The following EFCAB13 variants were observed in gnomAD, a reference collection of about 807,000 sequenced individuals.
EFCAB13 encodes the protein EF-hand calcium-binding domain-containing protein 13.
Under a neutral mutation model 110.2 loss-of-function variants are expected in EFCAB13, and 91 were observed. The observed-to-expected ratio is 0.83, with a 90% CI of 0.70 to 0.98. The LOEUF (loss-of-function observed/expected upper bound fraction) is 0.98, where lower values mean the gene tolerates loss of function less well. EFCAB13 is among the 50% of genes least tolerant of loss of function. The pLI is 0.00. For missense variants in EFCAB13, 968 were observed against 1,119.4 expected (o/e 0.86, Z 1.93); for synonymous variants, 323 against 369.9 (o/e 0.87, Z 1.45).
intron 9 of EFCAB13, among the ~76,000 whole-genome samples, chr17:47,358,732 T>G (rs942595808): frequency 2.0e-5 from 3 of 152,170 alleles, no homozygotes; most frequent in Admixed American, 6.5e-5. Context: ...GAGGCCTTTC[T>G]CACCTCAATA....
intron 17 of EFCAB13, among the ~76,000 whole-genome samples, chr17:47,398,254 C>T (rs1414098442): frequency 2.8e-5 from 4 of 143,550 alleles, no homozygotes; most frequent in South Asian, 2.4e-4. Context: ...GTCAGCCCCC[C>T]GCCCGGCCAG....
At chr17:47,371,066 T>G (rs901865774) in intron 11 of EFCAB13, among the ~76,000 whole-genome samples, 5 of 149,892 alleles carry the variant, frequency 3.3e-5, no homozygotes, top group African/African-American at 9.7e-5. Context: ...ATGGTTGTTT[T>G]TTTTTTTTTT....
intron 24 of EFCAB13, among the ~76,000 whole-genome samples, chr17:47,432,484 T>TG (rs1164327050): frequency 6.6e-6 from 1 of 152,128 alleles, no homozygotes; most frequent in African/African-American, 2.4e-5. Flanking sequence ...CTCAACTACT[T>TG]GGGGGGTTGA....
intron 9 of EFCAB13, among the ~76,000 whole-genome samples, chr17:47,352,123 C>T (rs374061081): frequency 6.6e-6 from 1 of 151,316 alleles, no homozygotes; most frequent in Non-Finnish European, 1.5e-5. Context: ...AGGATGGTCT[C>T]GATCTCCTGA....
chr17:47,422,182 AAGG>A (rs1490098968), intron 23 of EFCAB13, among the ~76,000 whole-genome samples: 1 of 152,212 alleles, frequency 6.6e-6, no homozygotes, highest in Non-Finnish European at 1.5e-5. Context: ...TTACAAAATA[AAGG>A]AGGAAGAAAA....
At chr17:47,325,561 C>T (rs907882193) in intron 2 of EFCAB13, among the ~76,000 whole-genome samples, 1 of 152,162 alleles carries the variant, frequency 6.6e-6, no homozygotes, top group African/African-American at 2.4e-5. Flanking sequence ...CTGATCTCTC[C>T]TGCTTCAGCC....
At chr17:47,430,207 T>G in intron 24 of EFCAB13, 1 of 1,092,834 alleles carries the variant, frequency 9.2e-7, no homozygotes, top group Non-Finnish European at 1.1e-6. Flanking sequence ...GTGAGATTAT[T>G]TTGTGAACTG....
At chr17:47,342,447 C>G (rs966489172) in intron 6 of EFCAB13, among the ~76,000 whole-genome samples, 4 of 152,106 alleles carry the variant, frequency 2.6e-5, no homozygotes, top group Non-Finnish European at 5.9e-5. Flanking sequence ...CTTACAAGCA[C>G]GTCTGTCATT....
In EFCAB13 at chr17:47,374,842, C is replaced by T. The variant is rs1480425114; in HGVS notation, c.1248C>T (p.Leu416=). The change falls in exon 12 of 25, where the codon CTC becomes CTT. Residue 416 remains leucine, a synonymous_variant. Coordinates refer to ENST00000331493, the MANE Select transcript of EFCAB13 (RefSeq NM_152347.5). ...KPQSLKSSTS[L]SKSLDKSDIS... ...AAAGCTTGAAGAGTAGTACAAGCCT[C>T]AGTAAGTCTCTGGATAAAAGTGATA... is the stretch of plus-strand genomic sequence containing the variant. 3.1e-6 allele frequency: 5 copies of T among 1,613,788 alleles called. No individual in the cohort carries two copies. Among genetic ancestry groups the T allele is most frequent in the Non-Finnish European group, 4.2e-6 (5 of 1,179,902 alleles).
intron 14 of EFCAB13, among the ~76,000 whole-genome samples, chr17:47,383,707 A>C (rs770954757): frequency 1.3e-5 from 2 of 152,168 alleles, no homozygotes; most frequent in Non-Finnish European, 2.9e-5. Context: ...TATGTGGTCA[A>C]TTTTAGAATA....
chr17:47,385,579 G>A (rs1337741678), intron 14 of EFCAB13, among the ~76,000 whole-genome samples: 1 of 151,840 alleles, frequency 6.6e-6, no homozygotes, highest in Non-Finnish European at 1.5e-5. Context: ...TCTTTGCATT[G>A]GGTTAGAACA....
intron 23 of EFCAB13, among the ~76,000 whole-genome samples, chr17:47,421,490 CG>C (rs1904706539): frequency 6.6e-6 from 1 of 151,750 alleles, no homozygotes; most frequent in Non-Finnish European, 1.5e-5. Flanking sequence ...ACAAACACTG[CG>C]GAAGGCCGCA....
At position 47,391,478 on chromosome 17, in the gene EFCAB13, A is replaced by G. The variant is rs1277598797; in HGVS notation, c.1624A>G (p.Lys542Glu). 1.3e-6 allele frequency: 2 copies of G among 1,587,678 alleles called. No individual in the cohort carries two copies. The highest frequency in any genetic ancestry group is 8.5e-7 in the Non-Finnish European group (1 of 1,170,288). Residue 542 changes from lysine to glutamate, a missense_variant, in exon 15 of 25, where the codon AAA (lysine) becomes GAA (glutamate). Transcript: ENST00000331493. ...TAAAGCCATTGATAAAATTAAAGAT[A>G]AAAATGTGGATTATGAGGATCTAAA... The part of the protein sequence containing the change: ...VIKAIDKIKD[K>E]NVDYEDLNTC...
intron 8 of EFCAB13, 43 bp downstream of exon 8, chr17:47,345,141 A>G (rs1202984272): frequency 7.0e-7 from 1 of 1,422,856 alleles, no homozygotes; most frequent in Non-Finnish European, 9.7e-7. Context: ...TTTCCTGGTT[A>G]TGTGCTTTTT....
intron 17 of EFCAB13, among the ~76,000 whole-genome samples, chr17:47,398,944 G>A (rs2065764027): frequency 6.6e-6 from 1 of 152,104 alleles, no homozygotes; most frequent in Non-Finnish European, 1.5e-5. Flanking sequence ...CTTTGGAGGG[G>A]ACAAGGTCTT....
chr17:47,334,998 T>C (rs551410995), intron 4 of EFCAB13, among the ~76,000 whole-genome samples, 198 bp from the exon 5 acceptor site: 2 of 152,370 alleles, frequency 1.3e-5, no homozygotes, highest in African/African-American at 4.8e-5. Context: ...GCACTAAGGA[T>C]AATTGGAGTT....
At chr17:47,334,415 A>G (rs569178169) in intron 4 of EFCAB13, among the ~76,000 whole-genome samples, 2 of 152,064 alleles carry the variant, frequency 1.3e-5, no homozygotes, top group Admixed American at 6.6e-5. Flanking sequence ...TTGTCCTTTC[A>G]TTGTCTTGAT....
chr17:47,439,793 A>C (rs954580138), intron 24 of EFCAB13, among the ~76,000 whole-genome samples: 2 of 152,098 alleles, frequency 1.3e-5, no homozygotes, highest in South Asian at 4.1e-4. Context: ...TTAATACCAC[A>C]GATATACCAT....
Position 47,440,838 on chromosome 17 carries a change from C to A in EFCAB13, c.*124C>A. ...TTGACAAATCCAGTAGAATTTTTAT[C>A]ACTATCTGTTATGTTCTCATGTATC... On this transcript the variant is annotated 3_prime_UTR_variant, in exon 25 of 25. Coordinates refer to ENST00000331493, the MANE Select transcript of EFCAB13 (RefSeq NM_152347.5). The A allele has an allele frequency of 1.3e-6, 1 of 771,412 alleles. No individual in the cohort carries two copies. The highest frequency in any genetic ancestry group is 2.0e-6 in the Non-Finnish European group (1 of 511,268). 47.8% of individuals were successfully genotyped at this position (771,412 alleles called of 1,614,324 possible).
Sources: allele counts gnomAD v4.1 joint callset (sites outside exome capture counted in the v4.1 genomes callset), GRCh38; gene constraint gnomAD v4.1.1; transcripts MANE v1.5; gene names NCBI Gene and HGNC (gene_info 2026-07-23, HGNC 2026-07-21).